IL19: variants seen among roughly 807,000 people sequenced by gnomAD.
IL19 encodes interleukin 19.
Under a neutral mutation model 19.5 loss-of-function variants are expected in IL19, and 15 were observed. The ratio of observed to expected loss-of-function variants is 0.77; its 90% CI spans 0.52 to 1.19. IL19 has a LOEUF of 1.19. Ranked by LOEUF, IL19 falls within the 50% of genes most tolerant of loss-of-function variation. The pLI, the probability that IL19 is intolerant of heterozygous loss-of-function variation, is 0.00. For synonymous variants in IL19, 78 were observed against 78.3 expected (o/e 1.00, Z 0.02); for missense variants, 199 against 213.1 (o/e 0.93, Z 0.41).
At chr1:206,793,470 T>C (rs1355547053) in intron 1 of IL19, among the ~76,000 whole-genome samples, 1 of 152,168 alleles carries the variant, frequency 6.6e-6, no homozygotes, top group African/African-American at 2.4e-5. Context: ...GCAGTCGTGC[T>C]CTGATCGAAT....
chr1:206,804,685 G>T (rs1675799300), intron 2 of IL19, among the ~76,000 whole-genome samples: 1 of 152,220 alleles, frequency 6.6e-6, no homozygotes, highest in Non-Finnish European at 1.5e-5. Flanking sequence ...AAACAGAGAT[G>T]CAAGAGAGCA....
chr1:206,775,197 C>T lies in IL19; in HGVS notation c.-149+4119C>T, dbSNP rs12024653. Among the ~76,000 whole-genome samples the T allele has an allele frequency of 9.7e-4, 147 of 152,096 alleles. 1 individual carries two copies. The East Asian group carries it at 0.021, about 22-fold the overall frequency. Reference sequence around the variant, plus strand: ...CTGGGACTACAGGCGCCTGGCACCACGCCCGGCTAAGTTTTTTTATTTTTT... The same window carrying T: ...CTGGGACTACAGGCGCCTGGCACCATGCCCGGCTAAGTTTTTTTATTTTTT... On this transcript the variant is annotated intron_variant, in intron 1 of 6. Coordinates refer to ENST00000659997, the MANE Select transcript of IL19 (RefSeq NM_153758.5).
Position 206,836,692 on chromosome 1 carries a change from C to G in IL19, c.30C>G (p.Leu10=), listed in dbSNP as rs760541762. Residue 10 remains leucine, a synonymous_variant, in exon 3 of 7, where the codon CTC becomes CTG. Transcript: ENST00000659997. MKLQCVSLW[L]LGTILILCSV... is the part of the protein sequence containing the mutation. ...AGTTACAGTGTGTTTCCCTTTGGCT[C>G]CTGGGTACAATACTGATATTGTGCT... is the stretch of plus-strand genomic sequence containing the variant. 1.9e-6 allele frequency: 3 copies of G among 1,612,766 alleles called. No individual in the cohort carries two copies. Among genetic ancestry groups the G allele is most frequent in the Non-Finnish European group, 2.5e-6 (3 of 1,179,530 alleles).
chr1:206,794,584 C>T (rs141398704), intron 1 of IL19, among the ~76,000 whole-genome samples: 19 of 152,298 alleles, frequency 1.2e-4, no homozygotes, highest in Middle Eastern at 3.4e-3. Flanking sequence ...CATCTTCTCA[C>T]GTAGATTTTA....
At chr1:206,816,246 G>T (rs1676152249) in intron 2 of IL19, among the ~76,000 whole-genome samples, 1 of 152,016 alleles carries the variant, frequency 6.6e-6, no homozygotes, top group African/African-American at 2.4e-5. Flanking sequence ...AAAGGGCACT[G>T]GAAATGGTAC....
rs76513170 is a variant in IL19, at chr1:206,798,962, A to C, written c.-47A>C. On this transcript the variant is annotated 5_prime_UTR_variant, in exon 2 of 7. Coordinates refer to ENST00000659997, the MANE Select transcript of IL19 (RefSeq NM_153758.5). ...TTACCACTCACACATGTGCACACAC[A>C]TATCCATGTGTGTGTGCCAGTGCTT... 1,219 of 1,614,034 alleles carry C rather than the reference A, an allele frequency of 7.6e-4. 10 individuals carry two copies. The African/African-American group carries it at 0.015, about 20-fold the overall frequency.
chr1:206,842,639 T>G lies in IL19; in HGVS notation c.*17T>G, dbSNP rs1403975818. 1.4e-6 allele frequency: 2 copies of G among 1,458,406 alleles called. No homozygotes were observed. The highest frequency in any genetic ancestry group is 2.0e-5 in the Admixed American group (1 of 51,248). 90.3% of individuals were successfully genotyped at this position (1,458,406 alleles called of 1,614,324 possible). A position where few individuals can be genotyped will look rare whatever the true frequency, so the allele number is the denominator to read the frequency against. Reference sequence around the variant, plus strand: ...TCAGCTTGATGACAAGGAACCTGTATAGTGATCCAGGGATGAACACCCCCT... The same window carrying G: ...TCAGCTTGATGACAAGGAACCTGTAGAGTGATCCAGGGATGAACACCCCCT... On this transcript the variant is annotated 3_prime_UTR_variant, in exon 7 of 7. Transcript: ENST00000659997.
Position 206,772,430 on chromosome 1 carries a change from G to A in IL19, c.-149+1352G>A, listed in dbSNP as rs140486772. 4.1e-5 allele frequency: 66 copies of A among 1,614,094 alleles called. No individual in the cohort carries two copies. Among genetic ancestry groups the A allele is most frequent in the Middle Eastern group, 1.7e-4 (1 of 6,010 alleles). Reference sequence around the variant, plus strand: ...CCAGGCAACAGAGCAGTGCTGAGCTGTGCATGCCTTCTTTTGCAAGTCTGT... The same window carrying A: ...CCAGGCAACAGAGCAGTGCTGAGCTATGCATGCCTTCTTTTGCAAGTCTGT... On this transcript the variant is annotated intron_variant, in intron 1 of 6. Coordinates refer to ENST00000659997, the MANE Select transcript of IL19 (RefSeq NM_153758.5).
intron 1 of IL19, among the ~76,000 whole-genome samples, chr1:206,780,187 A>G (rs1036020944): frequency 1.3e-5 from 2 of 152,014 alleles, no homozygotes; most frequent in Non-Finnish European, 1.5e-5. Flanking sequence ...TATTTATGTC[A>G]GTTTGTAATT....
intron 2 of IL19, among the ~76,000 whole-genome samples, chr1:206,835,405 T>C (rs1039038229): frequency 1.3e-5 from 2 of 152,222 alleles, no homozygotes; most frequent in African/African-American, 2.4e-5. Flanking sequence ...CACCTGTCTA[T>C]TCCCTGGGAA....
At chr1:206,834,851 G>T (rs1017498060) in intron 2 of IL19, among the ~76,000 whole-genome samples, 1 of 152,202 alleles carries the variant, frequency 6.6e-6, no homozygotes, top group African/African-American at 2.4e-5. Flanking sequence ...TGTAAGTGGG[G>T]TGGAGTAGCA....
At chr1:206,809,302 T>C (rs1026449470) in intron 2 of IL19, among the ~76,000 whole-genome samples, 111 of 151,222 alleles carry the variant, frequency 7.3e-4, no homozygotes, top group Non-Finnish European at 1.8e-4. Flanking sequence ...CACATACCTA[T>C]GTGAGATCTC....
At chr1:206,829,280 T>C (rs189074746) in intron 2 of IL19, among the ~76,000 whole-genome samples, 11 of 152,332 alleles carry the variant, frequency 7.2e-5, no homozygotes, top group East Asian at 5.8e-4. Flanking sequence ...GATGTTTTCA[T>C]TGAAATTCAA....
intron 1 of IL19, among the ~76,000 whole-genome samples, chr1:206,785,867 G>A (rs1332812778): frequency 6.6e-6 from 1 of 152,202 alleles, no homozygotes. Context: ...TTTCTACAGA[G>A]ATGTTGCTCC....
chr1:206,842,657 C>T lies in IL19; in HGVS notation c.*35C>T. On this transcript the variant is annotated 3_prime_UTR_variant, in exon 7 of 7. Transcript: ENST00000659997. ...ACCTGTATAGTGATCCAGGGATGAA[C>T]ACCCCCTGTGCGGTTTACTGTGGGA... 7.7e-7 allele frequency: 1 copy of T among 1,297,388 alleles called. No individual in the cohort carries two copies. The allele number at this position is 1,297,388 out of a possible 1,614,324, so 80.4% of individuals were successfully genotyped here.
At chr1:206,842,487 G>T (rs1431338075) in intron 6 of IL19, 40 bp from the exon 7 acceptor site, 5 of 1,225,020 alleles carry the variant, frequency 4.1e-6, no homozygotes, top group Admixed American at 4.0e-5. Context: ...CCATTACACA[G>T]TCTAGAAAGG....
At chr1:206,771,100 G>A (rs1388395365) in intron 1 of IL19, 22 bp downstream of exon 1, 5 of 1,610,450 alleles carry the variant, frequency 3.1e-6, no homozygotes, top group Non-Finnish European at 4.2e-6. Context: ...ATTGGCGGAG[G>A]TGGCTGGGAG....
chr1:206,779,980 T>C (rs1380503881), intron 1 of IL19, among the ~76,000 whole-genome samples: 1 of 152,078 alleles, frequency 6.6e-6, no homozygotes, highest in Non-Finnish European at 1.5e-5. Flanking sequence ...CCAGCCACTA[T>C]GCCCAGTGAT....
chr1:206,804,603 C>T (rs1409027007), intron 2 of IL19, among the ~76,000 whole-genome samples: 5 of 152,120 alleles, frequency 3.3e-5, no homozygotes, highest in African/African-American at 1.2e-4. Context: ...ACAATGCAAA[C>T]CCAGTGAGAA....
Sources: gnomAD v4.1 joint callset for allele counts (sites outside exome capture counted in the v4.1 genomes callset) on GRCh38, gnomAD v4.1.1 for gene constraint, MANE v1.5 for transcripts, NCBI Gene and HGNC (gene_info 2026-07-23, HGNC 2026-07-21) for gene names.